TRIM2: variants seen among roughly 807,000 people sequenced by gnomAD.
TRIM2 encodes the protein tripartite motif containing 2.
Under a neutral mutation model 75.2 loss-of-function variants are expected in TRIM2, and 20 were observed. That is an observed-to-expected ratio of 0.27 (90% CI 0.19 to 0.39). The LOEUF is 0.39. Ranked by LOEUF, TRIM2 falls within the 10% of genes least tolerant of loss-of-function variation. The pLI is 1.00. For synonymous variants in TRIM2, 373 were observed against 388.3 expected (o/e 0.96, Z 0.46); for missense variants, 660 against 990.8 (o/e 0.67, Z 4.48).
rs1449163426 is a variant in TRIM2 at position 153,237,914 on chromosome 4, T to G, written c.31-32421T>G. On this transcript the variant is annotated intron_variant, in intron 1 of 11. Transcript: ENST00000338700. ...CTCTCCAGCTCCCTCCCTCTGTGAC[T>G]TACACCTTCGCTAGTCATTTGAAAG... Among the ~76,000 whole-genome samples, 5 of 152,290 alleles carry G rather than the reference T, an allele frequency of 3.3e-5. No individual in the cohort carries two copies. In the East Asian group the frequency reaches 9.6e-4, roughly 29 times the overall value.
At chr4:153,244,525 AGCT>A (rs1245492113) in intron 1 of TRIM2, among the ~76,000 whole-genome samples, 2 of 146,038 alleles carry the variant, frequency 1.4e-5, no homozygotes, top group Admixed American at 6.9e-5. Flanking sequence ...TCTCCAAAGT[AGCT>A]GAGATTACTG....
At chr4:153,257,576 T>G in intron 1 of TRIM2, 1 of 1,289,836 alleles carries the variant, frequency 7.8e-7, no homozygotes, top group Non-Finnish European at 1.0e-6. Flanking sequence ...GCAGAAGATA[T>G]GCTGGGCTTC....
chr4:153,308,850 G>T, intron 6 of TRIM2: 1 of 366,730 alleles, frequency 2.7e-6, no homozygotes. Context: ...CCTCTCCCCT[G>T]CCCCACCTCT....
At position 153,294,435 on chromosome 4, in the gene TRIM2, A is replaced by T; in HGVS notation, c.736A>T (p.Lys246Ter). The change falls in exon 5 of 12, where the codon AAG (lysine) becomes TAG (stop). Residue 246 changes from lysine to a stop codon, truncating the protein, a stop_gained. Coordinates refer to ENST00000338700, the MANE Select transcript of TRIM2 (RefSeq NM_015271.5). LOFTEE classifies it high-confidence loss of function. Reference sequence around the variant, plus strand: ...GCTCCAGAAGACTTTAAATGTGCGCAAGAGTGTGCTGCTTATGGAATTGGA... The same window carrying T: ...GCTCCAGAAGACTTTAAATGTGCGCTAGAGTGTGCTGCTTATGGAATTGGA... ...DELQKTLNVR[K>*]SVLLMELEVN... is the part of the protein sequence containing the mutation. 6.2e-7 allele frequency: 1 copy of T among 1,614,178 alleles called. No homozygotes were observed.
intron 1 of TRIM2, 89 bp from the exon 2 acceptor site, chr4:153,270,246 T>TAGCA: frequency 6.8e-7 from 1 of 1,472,126 alleles, no homozygotes; most frequent in Non-Finnish European, 9.2e-7. Flanking sequence ...CCTTTACTTA[T>TAGCA]AGCACAATGC....
chr4:153,199,211 A>T (rs1018469934), intron 1 of TRIM2, among the ~76,000 whole-genome samples: 3 of 152,164 alleles, frequency 2.0e-5, no homozygotes, highest in Non-Finnish European at 4.4e-5. Context: ...TCTTCTTTCC[A>T]TGTTTTCAAA....
chr4:153,194,439 C>G (rs1733558214), intron 1 of TRIM2, among the ~76,000 whole-genome samples: 1 of 151,964 alleles, frequency 6.6e-6, no homozygotes, highest in Non-Finnish European at 1.5e-5. Context: ...CAACATGGAT[C>G]AACCTCAAAA....
rs1309996677 is a variant in TRIM2, at chr4:153,338,955, T to TG, written c.*3989_*3990insG. 1.1e-6 allele frequency: 1 copy of TG among 881,632 alleles called. No individual in the cohort carries two copies. The allele number at this position is 881,632 out of a possible 1,614,324, so 54.6% of individuals were successfully genotyped here. A position where few individuals can be genotyped will look rare whatever the true frequency, so the allele number is the denominator to read the frequency against. ...AGCCTATGTATGAATATGAAGGGGT[T>TG]TTTTTTTTTTGCTTTGTTTTCTTTT... On this transcript the variant is annotated 3_prime_UTR_variant, in exon 12 of 12. Coordinates refer to ENST00000338700, the MANE Select transcript of TRIM2 (RefSeq NM_015271.5).
chr4:153,334,675 C>T (rs752403796), intron 11 of TRIM2, 139 bp from the exon 12 acceptor site: 2 of 771,382 alleles, frequency 2.6e-6, no homozygotes, highest in Non-Finnish European at 4.0e-6. Flanking sequence ...CACGGCACAC[C>T]AGCCTGGGTG....
At chr4:153,207,831 T>A (rs1302188450) in intron 1 of TRIM2, among the ~76,000 whole-genome samples, 5 of 152,168 alleles carry the variant, frequency 3.3e-5, no homozygotes, top group African/African-American at 1.2e-4. Flanking sequence ...ATCTTCAAAG[T>A]CCATTCTAGC....
intron 1 of TRIM2, among the ~76,000 whole-genome samples, chr4:153,220,712 A>T (rs557774569): frequency 3.3e-5 from 5 of 152,266 alleles, no homozygotes; most frequent in Admixed American, 6.5e-5. Flanking sequence ...TTAAAAATAA[A>T]TTTTTTTAAA....
chr4:153,292,968 T>C lies in TRIM2; in HGVS notation c.454-14T>C, dbSNP rs770658074. On this transcript the variant is annotated splice_polypyrimidine_tract_variant and intron_variant, in intron 3 of 11. Coordinates refer to ENST00000338700, the MANE Select transcript of TRIM2 (RefSeq NM_015271.5). The stretch of plus-strand genomic sequence containing the variant: ...ATGGCCCAGAACCAGGAACTTTTCT[T>C]GTGTCATCCACAGGTGATGGAATTT... The C allele has an allele frequency of 4.4e-6, 7 of 1,594,526 alleles. No homozygotes were observed. In the East Asian group the frequency reaches 1.1e-4, roughly 26 times the overall value.
At chr4:153,244,361 T>TCTTCCTCTTCCTCTTCCTCTTCC (rs1560874409) in intron 1 of TRIM2, among the ~76,000 whole-genome samples, 1 of 26,974 alleles carries the variant, frequency 3.7e-5, no homozygotes, top group East Asian at 1.1e-3. Context: ...CTTCCTCTTC[T>TCTTCCTCTTCCTCTTCCTCTTCC]TCTTCTTCTT....
At chr4:153,308,362 T>C in intron 6 of TRIM2, 2 of 1,115,574 alleles carry the variant, frequency 1.8e-6, no homozygotes, top group Non-Finnish European at 2.8e-6. Flanking sequence ...TGGTTGGTTC[T>C]TGAGCAGATG....
chr4:153,200,692 A>G (rs916932577), upstream of TRIM2, among the ~76,000 whole-genome samples: 5 of 141,852 alleles, frequency 3.5e-5, no homozygotes, highest in Non-Finnish European at 7.5e-5. Flanking sequence ...CCTCCTCAAC[A>G]CTTGTTTTCT....
intron 1 of TRIM2, among the ~76,000 whole-genome samples, chr4:153,215,093 T>G (rs915942484): frequency 6.6e-6 from 1 of 152,214 alleles, no homozygotes; most frequent in Non-Finnish European, 1.5e-5. Context: ...AGATGCAACT[T>G]GCAAATCACA....
At chr4:153,289,061 C>T (rs1761292115) in intron 3 of TRIM2, among the ~76,000 whole-genome samples, 3 of 152,032 alleles carry the variant, frequency 2.0e-5, no homozygotes, top group African/African-American at 7.2e-5. Context: ...TAAGTCCAAT[C>T]TGGGCTTCTT....
rs114523797 is a variant in TRIM2, at chr4:153,275,955, C to A, written c.278C>A (p.Thr93Asn). The change falls in exon 3 of 12, where the codon ACC becomes AAC. Residue 93 changes from threonine (T) to asparagine (N), a missense_variant. Physicochemically the swap from Thr to Asn is moderately conservative, Grantham distance 65 (BLOSUM62 0). Around this residue, in one of 2 missense-constraint regions of TRIM2, gnomAD observed 620 missense variants for 891.0 expected, o/e 0.70. Transcript: ENST00000338700. Reference protein sequence around the residue: ...LTLSCPVCRQTSILPEKGVAA... With the variant: ...LTLSCPVCRQNSILPEKGVAA... ...CTCTCCTGCCCAGTGTGCCGCCAGA[C>A]CTCCATCCTGCCCGAGAAAGGGGTG... 6.2e-7 allele frequency: 1 copy of A among 1,614,204 alleles called. No individual in the cohort carries two copies. The highest frequency in any genetic ancestry group is 2.2e-5 in the East Asian group (1 of 44,892).
chr4:153,241,637 C>T (rs1489212145), intron 1 of TRIM2, among the ~76,000 whole-genome samples: 2 of 152,208 alleles, frequency 1.3e-5, no homozygotes, highest in African/African-American at 4.8e-5. Context: ...GCAGGAGCAA[C>T]AGCAGGGCTA....
Sources: allele counts gnomAD v4.1 joint callset (sites outside exome capture counted in the v4.1 genomes callset), GRCh38; gene constraint gnomAD v4.1.1; regional missense constraint gnomAD v4.1.1; transcripts MANE v1.5; gene names NCBI Gene and HGNC (gene_info 2026-07-23, HGNC 2026-07-21).